The following MVB12B variants were observed in gnomAD, a reference collection of about 807,000 sequenced individuals.
MVB12B encodes the protein ESCRT-I complex subunit MVB12B.
MVB12B carries 16 observed loss-of-function variants against 41.6 expected under a neutral mutation model. The observed-to-expected ratio is 0.38, with a 90% CI of 0.26 to 0.58. The LOEUF (loss-of-function observed/expected upper bound fraction) is 0.58, where lower values mean the gene tolerates loss of function less well. MVB12B is among the 20% of genes least tolerant of loss of function. MVB12B has a pLI of 0.62. For synonymous variants in MVB12B, 133 were observed against 139.7 expected (o/e 0.95, Z 0.34); for missense variants, 274 against 380.2 (o/e 0.72, Z 2.32).
intron 6 of MVB12B, among the ~76,000 whole-genome samples, chr9:126,414,977 G>A (rs563558899): frequency 9.9e-5 from 15 of 152,088 alleles, no homozygotes; most frequent in Middle Eastern, 6.8e-3. Flanking sequence ...TGACCCACTC[G>A]CCTCGGCCTT....
intron 7 of MVB12B, among the ~76,000 whole-genome samples, chr9:126,469,849 G>A (rs1257164797): frequency 1.3e-5 from 2 of 152,136 alleles, no homozygotes; most frequent in Non-Finnish European, 2.9e-5. Flanking sequence ...ACTGAGTTGC[G>A]TTTTATCTTT....
In MVB12B at chr9:126,459,517, A is replaced by G. The variant is rs1833047120; in HGVS notation, c.758-21852A>G. Among the ~76,000 whole-genome samples the G allele has an allele frequency of 2.0e-5, 3 of 152,166 alleles. No homozygotes were observed. The highest frequency in any genetic ancestry group is 7.2e-5 in the African/African-American group (3 of 41,426). ...TGTGAGACCACGAGACCCTCACCCC[A>G]GCAGCACGCGGGCACGCAGCCCACA... On this transcript the variant is annotated intron_variant, in intron 7 of 9. Transcript: ENST00000361171. This position sits in a 1 kb window ranked among gnomAD's most constrained non-coding sequence, Gnocchi z 4.3.
At chr9:126,336,754 GCACACACACA>G (rs113110128) in intron 1 of MVB12B, among the ~76,000 whole-genome samples, 2 of 150,292 alleles carry the variant, frequency 1.3e-5, no homozygotes, top group African/African-American at 2.5e-5. Flanking sequence ...GTGTGTGCAC[GCACACACACA>G]CACACACACA....
At chr9:126,400,659 C>T (rs556387238) in intron 6 of MVB12B, among the ~76,000 whole-genome samples, 3 of 152,240 alleles carry the variant, frequency 2.0e-5, no homozygotes, top group African/African-American at 4.8e-5. Context: ...GTCCTCAAGC[C>T]GTCGTCGATG....
intron 6 of MVB12B, among the ~76,000 whole-genome samples, chr9:126,421,018 G>A (rs541218307): frequency 1.3e-5 from 2 of 152,248 alleles, no homozygotes; most frequent in Admixed American, 6.5e-5. Flanking sequence ...TTGCAACACA[G>A]CCCCCAGTTG....
chr9:126,356,587 C>G (rs1433554960), intron 2 of MVB12B, among the ~76,000 whole-genome samples: 5 of 152,038 alleles, frequency 3.3e-5, no homozygotes, highest in Non-Finnish European at 7.4e-5. Context: ...AAGGTTCCTC[C>G]TACCCTTTTA....
intron 3 of MVB12B, among the ~76,000 whole-genome samples, chr9:126,383,881 G>A (rs1479811203): frequency 1.3e-5 from 2 of 151,776 alleles, no homozygotes; most frequent in Non-Finnish European, 2.9e-5. Flanking sequence ...CCACACCACT[G>A]ATGTTCAGGT....
chr9:126,456,127 G>C (rs754895275), intron 7 of MVB12B, among the ~76,000 whole-genome samples: 2 of 152,032 alleles, frequency 1.3e-5, no homozygotes, highest in Non-Finnish European at 2.9e-5. Context: ...CTGACCTTAG[G>C]TGATCCGCCC....
chr9:126,460,921 A>G (rs1458142603), intron 7 of MVB12B, among the ~76,000 whole-genome samples: 1 of 152,192 alleles, frequency 6.6e-6, no homozygotes, highest in South Asian at 2.1e-4. Flanking sequence ...AATACACAGA[A>G]AGCCCCAAGA....
chr9:126,424,554 C>T (rs542819189), intron 7 of MVB12B, among the ~76,000 whole-genome samples: 1 of 152,342 alleles, frequency 6.6e-6, no homozygotes, highest in East Asian at 1.9e-4. Context: ...TCCTACCAGC[C>T]CACCCATCCC....
In MVB12B at chr9:126,464,574, A is replaced by T. The variant is rs533341302; in HGVS notation, c.758-16795A>T. On this transcript the variant is annotated intron_variant, in intron 7 of 9. Coordinates refer to ENST00000361171, the MANE Select transcript of MVB12B (RefSeq NM_033446.3). ...GAACTCCAGTGATATTGACGTGGGA[A>T]TATTTGTCTTGGCCATGAATGGATC... 2.6e-5 allele frequency among the ~76,000 whole-genome samples: 4 copies of T among 152,304 alleles called. No homozygotes were observed. In the South Asian group the frequency reaches 8.3e-4, roughly 32 times the overall value.
rs145111872 is a variant in MVB12B, at chr9:126,330,545, T to G, written c.81+3535T>G. 3.6e-3 allele frequency among the ~76,000 whole-genome samples: 550 copies of G among 152,166 alleles called. 1 individual carries two copies. Among genetic ancestry groups the G allele is most frequent in the Non-Finnish European group, 6.4e-3 (437 of 68,024 alleles). Reference sequence around the variant, plus strand: ...GGAATCTGCAGTCTTAACAGACACCTTGGGTTATACTTCTTCTTACTGAAA... The same window carrying G: ...GGAATCTGCAGTCTTAACAGACACCGTGGGTTATACTTCTTCTTACTGAAA... On this transcript the variant is annotated intron_variant, in intron 1 of 9. Coordinates refer to ENST00000361171, the MANE Select transcript of MVB12B (RefSeq NM_033446.3).
chr9:126,347,813 G>A (rs1411976009), intron 2 of MVB12B, among the ~76,000 whole-genome samples: 5 of 152,228 alleles, frequency 3.3e-5, no homozygotes, highest in Non-Finnish European at 7.3e-5. Context: ...TGGAAATGTG[G>A]GACATTGGCA....
chr9:126,506,974 A>C lies in MVB12B; in HGVS notation c.*3711A>C, dbSNP rs1205621455. The C allele has an allele frequency of 6.5e-6, 1 of 152,694 alleles. No homozygotes were observed. The highest frequency in any genetic ancestry group is 1.5e-5 in the Non-Finnish European group (1 of 68,054). The allele number at this position is 152,694 out of a possible 1,614,324, so 9.5% of individuals were successfully genotyped here. The stretch of plus-strand genomic sequence containing the variant: ...GGTGACTCTTGTACTTGGCAAGGGA[A>C]GTCCACTGTGTGATTGTCTGTATTC... On this transcript the variant is annotated 3_prime_UTR_variant, in exon 10 of 10. Transcript: ENST00000361171.
intron 6 of MVB12B, among the ~76,000 whole-genome samples, chr9:126,407,135 A>C (rs997255641): frequency 6.6e-6 from 1 of 152,188 alleles, no homozygotes; most frequent in Non-Finnish European, 1.5e-5. Context: ...TATTTACAGA[A>C]GCCTAGGATC....
intron 2 of MVB12B, among the ~76,000 whole-genome samples, chr9:126,350,002 A>G (rs1030002938): frequency 6.6e-6 from 1 of 152,186 alleles, no homozygotes; most frequent in Admixed American, 6.5e-5. Flanking sequence ...AGCATTTGTT[A>G]TCGTCAGTAT....
intron 2 of MVB12B, among the ~76,000 whole-genome samples, chr9:126,378,785 G>T (rs1271767018): frequency 6.6e-6 from 1 of 152,132 alleles, no homozygotes; most frequent in East Asian, 1.9e-4. Flanking sequence ...CGCAGACAAG[G>T]ACTGGGAGGC....
intron 7 of MVB12B, among the ~76,000 whole-genome samples, chr9:126,450,593 A>G (rs73668023): frequency 0.22 from 33,100 of 152,092 alleles, 3,943 homozygotes; most frequent in African/African-American, 0.3. Flanking sequence ...GTGCCAGAAC[A>G]GATGTTGGTC....
Position 126,495,146 on chromosome 9 carries a change from C to A in MVB12B, c.874-8031C>A, listed in dbSNP as rs143171121. Among the ~76,000 whole-genome samples the A allele has an allele frequency of 5.2e-3, 767 of 146,614 alleles. 12 individuals are homozygous for A. The highest frequency in any genetic ancestry group is 0.019 in the African/African-American group (739 of 39,248). On this transcript the variant is annotated intron_variant, in intron 9 of 9. Coordinates refer to ENST00000361171, the MANE Select transcript of MVB12B (RefSeq NM_033446.3). ...GGTCAAGGCTGCAGTAAGCTGAGATCGAGCCACTGCACTCCAGCCTGGGTA... is the reference window on the plus strand; with the variant it reads ...GGTCAAGGCTGCAGTAAGCTGAGATAGAGCCACTGCACTCCAGCCTGGGTA...
Sources: gnomAD v4.1 joint callset for allele counts (sites outside exome capture counted in the v4.1 genomes callset) on GRCh38, gnomAD v4.1.1 for gene constraint, Gnocchi (gnomAD v3.1) non-coding constraint, MANE v1.5 for transcripts, NCBI Gene and HGNC (gene_info 2026-07-23, HGNC 2026-07-21) for gene names.